The following SF3A3 variants were observed in gnomAD, a reference collection of about 807,000 sequenced individuals.
SF3A3 encodes splicing factor 3a subunit 3.
SF3A3 carries 9 observed loss-of-function variants against 85.8 expected under a neutral mutation model. That is an observed-to-expected ratio of 0.10 (90% CI 0.06 to 0.18). SF3A3 has a LOEUF of 0.18. Among genes scored for constraint, SF3A3 ranks in the 10% least tolerant of loss-of-function variants. SF3A3 has a pLI of 1.00. For missense variants in SF3A3, 306 were observed against 593.3 expected, an observed-to-expected ratio of 0.52 and a Z score of 5.03; for synonymous variants, 195 against 204.4, an observed-to-expected ratio of 0.95 and a Z score of 0.39.
chr1:37,987,034 A>T (rs1244556357), intron 4 of SF3A3, among the ~76,000 whole-genome samples: 1 of 152,134 alleles, frequency 6.6e-6, no homozygotes, highest in Non-Finnish European at 1.5e-5. Flanking sequence ...CCTAGTACCC[A>T]TACTGTGCTC....
chr1:37,977,524 A>G (rs1479365613), intron 11 of SF3A3, among the ~76,000 whole-genome samples: 1 of 152,088 alleles, frequency 6.6e-6, no homozygotes, highest in African/African-American at 2.4e-5. Context: ...CAACATGGTG[A>G]AACCCTCTCT....
chr1:37,986,373 A>G (rs550926640), intron 4 of SF3A3, among the ~76,000 whole-genome samples: 18 of 152,330 alleles, frequency 1.2e-4, no homozygotes, highest in South Asian at 2.1e-4. Flanking sequence ...ATATAAATCA[A>G]TAACAGTTGA....
intron 12 of SF3A3, among the ~76,000 whole-genome samples, chr1:37,973,608 C>T (rs904296043): frequency 1.3e-5 from 2 of 152,142 alleles, no homozygotes; most frequent in Admixed American, 6.6e-5. Context: ...TGTGGAGAAA[C>T]AGGAACGCTT....
At chr1:37,970,343 AC>A (rs1481625698) in intron 12 of SF3A3, among the ~76,000 whole-genome samples, 5 of 151,600 alleles carry the variant, frequency 3.3e-5, no homozygotes, top group Non-Finnish European at 7.4e-5. Flanking sequence ...ATACAGGAGC[AC>A]CCAGATTCAT....
intron 7 of SF3A3, among the ~76,000 whole-genome samples, chr1:37,981,153 C>T (rs1006983894): frequency 9.9e-5 from 15 of 152,034 alleles, no homozygotes; most frequent in Non-Finnish European, 1.9e-4. Context: ...CCGGCCAATA[C>T]TCATTTTTAA....
At chr1:37,966,727 A>G (rs895986452) in intron 15 of SF3A3, among the ~76,000 whole-genome samples, 1 of 151,498 alleles carries the variant, frequency 6.6e-6, no homozygotes, top group Non-Finnish European at 1.5e-5. Flanking sequence ...ACCTGAGGTC[A>G]GGAGTTCAAG....
chr1:37,973,674 G>A (rs559810503), intron 12 of SF3A3, among the ~76,000 whole-genome samples: 14 of 152,290 alleles, frequency 9.2e-5, no homozygotes, highest in South Asian at 8.3e-4. Flanking sequence ...ACAGTGTGGC[G>A]ATTCCTCAAG....
At chr1:37,975,507 T>C (rs1646373034) in intron 12 of SF3A3, among the ~76,000 whole-genome samples, 1 of 129,290 alleles carries the variant, frequency 7.7e-6, no homozygotes, top group Non-Finnish European at 1.6e-5. Context: ...CAGAGTGAGA[T>C]ACTATTTCAA....
rs34188458 is a variant in SF3A3 at position 37,957,512 on chromosome 1, C to CTT, written c.*672_*673dup. 3,748 of 138,714 alleles carry CTT rather than the reference C, an allele frequency of 0.027. 93 individuals carry two copies. The highest frequency in any genetic ancestry group is 0.063 in the African/African-American group (2,343 of 37,230). The allele number at this position is 138,714 out of a possible 1,614,324, so 8.6% of individuals were successfully genotyped here. ...GGGACTACAGTGCGTGCCACCATGC[C>CTT]TTTTTTTTTTTTTTAATGAGACAGG... On this transcript the variant is annotated 3_prime_UTR_variant, in exon 17 of 17. Transcript: ENST00000373019.
chr1:37,981,814 GAA>G lies in SF3A3; in HGVS notation c.469-5_469-4del. The G allele has an allele frequency of 6.6e-7, 1 of 1,525,310 alleles. No individual in the cohort carries two copies. Among genetic ancestry groups the G allele is most frequent in the Non-Finnish European group, 9.0e-7 (1 of 1,112,260 alleles). 94.5% of individuals were successfully genotyped at this position (1,525,310 alleles called of 1,614,324 possible). On this transcript the variant is annotated splice_region_variant and splice_polypyrimidine_tract_variant and intron_variant, in intron 6 of 16. Transcript: ENST00000373019. ...AGGTATGTGATATAATCCAGCTTCT[GAA>G]AAGAGGAAAGAAATGACAAGAAATT... is the stretch of plus-strand genomic sequence containing the variant.
At chr1:37,958,643 G>A (rs1646235958) in intron 16 of SF3A3, among the ~76,000 whole-genome samples, 1 of 152,226 alleles carries the variant, frequency 6.6e-6, no homozygotes. Context: ...TCTGCTCAGA[G>A]GCCATTGCAG....
At chr1:37,968,494 A>G (rs1411131457) in intron 14 of SF3A3, among the ~76,000 whole-genome samples, 1 of 152,206 alleles carries the variant, frequency 6.6e-6, no homozygotes, top group African/African-American at 2.4e-5. Context: ...CACCTGCATG[A>G]ATAGGGGTTA....
At chr1:37,983,279 G>C (rs1401261098) in intron 6 of SF3A3, among the ~76,000 whole-genome samples, 1 of 101,558 alleles carries the variant, frequency 9.8e-6, no homozygotes, top group East Asian at 3.0e-4. Flanking sequence ...AAAAAAAAAA[G>C]AATTTAAAGA....
chr1:37,972,648 C>T (rs1646351893), intron 12 of SF3A3, among the ~76,000 whole-genome samples: 1 of 152,192 alleles, frequency 6.6e-6, no homozygotes, highest in Non-Finnish European at 1.5e-5. Flanking sequence ...GTAACCAAAA[C>T]AGCATGGTAC....
rs1467701828 is a variant in SF3A3, at chr1:37,957,457, G to T, written c.*729C>A. 1 of 143,130 alleles carries T rather than the reference G, an allele frequency of 7.0e-6. No homozygotes were observed. Among genetic ancestry groups the T allele is most frequent in the Non-Finnish European group, 1.5e-5 (1 of 66,756 alleles). 8.9% of individuals were successfully genotyped at this position (143,130 alleles called of 1,614,324 possible). A position where few individuals can be genotyped will look rare whatever the true frequency, so the allele number is the denominator to read the frequency against. The stretch of plus-strand genomic sequence containing the variant: ...TGGTCTCAAACTCCTAGGTTCAAAG[G>T]ATCTTCTAGCCTCAGTCTCCTGAGT... On this transcript the variant is annotated 3_prime_UTR_variant, in exon 17 of 17. Coordinates refer to ENST00000373019, the MANE Select transcript of SF3A3 (RefSeq NM_006802.4).
At chr1:37,987,936 A>C in intron 2 of SF3A3, 100 bp from the exon 3 acceptor site, 28 of 905,176 alleles carry the variant, frequency 3.1e-5, no homozygotes, top group Non-Finnish European at 4.5e-5. Context: ...GGGCAACCTC[A>C]AGAGACATGG....
chr1:37,964,354 C>T (rs948088912), intron 15 of SF3A3, among the ~76,000 whole-genome samples: 5 of 152,292 alleles, frequency 3.3e-5, no homozygotes, highest in African/African-American at 1.2e-4. Flanking sequence ...GTTGTAATCC[C>T]AGCACTTTGG....
chr1:37,966,970 T>A (rs1298467378), intron 15 of SF3A3, among the ~76,000 whole-genome samples: 1 of 103,002 alleles, frequency 9.7e-6, no homozygotes, highest in Non-Finnish European at 1.9e-5. Flanking sequence ...AATGCAATAA[T>A]TAGGCGCGGT....
At chr1:37,958,740 T>C (rs1345930200) in intron 16 of SF3A3, among the ~76,000 whole-genome samples, 1 of 152,134 alleles carries the variant, frequency 6.6e-6, no homozygotes, top group Non-Finnish European at 1.5e-5. Flanking sequence ...GAGTACTATA[T>C]TACAAGTGGA....
Sources: allele counts gnomAD v4.1 joint callset (sites outside exome capture counted in the v4.1 genomes callset), GRCh38; gene constraint gnomAD v4.1.1; transcripts MANE v1.5; gene names NCBI Gene and HGNC (gene_info 2026-07-23, HGNC 2026-07-21).